The following STK38L variants were observed in gnomAD, a reference collection of about 807,000 sequenced individuals.
The protein encoded by STK38L is serine/threonine kinase 38 like.
A neutral mutation model predicts 59.7 loss-of-function variants in STK38L; 28 were observed. The observed-to-expected ratio is 0.47, with a 90% CI of 0.35 to 0.64. The LOEUF (loss-of-function observed/expected upper bound fraction) is 0.64. STK38L is among the 30% of genes least tolerant of loss of function. The probability of loss-of-function intolerance (pLI) is 0.01; values close to 1 mark genes in which losing one functional copy is unlikely to be tolerated. For synonymous variants in STK38L, 162 were observed against 176.8 expected (o/e 0.92, Z 0.66); for missense variants, 314 against 555.8 (o/e 0.56, Z 4.37).
chr12:27,320,553 A>G (rs1221444050), intron 12 of STK38L, among the ~76,000 whole-genome samples: 1 of 148,928 alleles, frequency 6.7e-6, no homozygotes, highest in Non-Finnish European at 1.5e-5. Flanking sequence ...CGGCCTCCCA[A>G]AGTGCTGGGA....
chr12:27,297,288 A>G (rs972559060), intron 1 of STK38L: 3 of 154,434 alleles, frequency 1.9e-5, no homozygotes, highest in Middle Eastern at 3.1e-3. Context: ...ACTTCTTACT[A>G]TTAAACTAAA....
At chr12:27,297,620 C>T (rs576863312) in intron 1 of STK38L, 90 bp from the exon 2 acceptor site, 1 of 1,375,810 alleles carries the variant, frequency 7.3e-7, no homozygotes. Flanking sequence ...TCGAATTTTT[C>T]TTAGTTGAAA....
At chr12:27,293,761 G>A (rs937398834) in intron 1 of STK38L, 1 of 152,204 alleles carries the variant, frequency 6.6e-6, no homozygotes, top group Non-Finnish European at 1.5e-5. Context: ...TGAGTCATGT[G>A]TTATTTCTTT....
chr12:27,255,842 C>CA, intron 1 of STK38L, among the ~76,000 whole-genome samples: 1 of 152,246 alleles, frequency 6.6e-6, no homozygotes, highest in South Asian at 2.1e-4. Context: ...CTTAAGACCC[C>CA]ATTGTCCATC....
intron 1 of STK38L, among the ~76,000 whole-genome samples, chr12:27,287,693 T>C (rs1303488346): frequency 6.6e-6 from 1 of 152,176 alleles, no homozygotes; most frequent in Non-Finnish European, 1.5e-5. Context: ...TTAGTTTTCA[T>C]GTGTGTCCTT....
chr12:27,245,522 A>G (rs1000514962), intron 1 of STK38L: 1 of 152,072 alleles, frequency 6.6e-6, no homozygotes, highest in Non-Finnish European at 1.5e-5. Flanking sequence ...CAGATTCTTG[A>G]AAGTTCTTTG....
chr12:27,302,056 C>CCATT, intron 2 of STK38L, 81 bp from the exon 3 acceptor site: 1 of 1,134,810 alleles, frequency 8.8e-7, no homozygotes, highest in Non-Finnish European at 1.2e-6. Flanking sequence ...AAGTGGTTAA[C>CCATT]CTGAATAAAT....
At chr12:27,283,980 T>G (rs1943715124) in intron 1 of STK38L, among the ~76,000 whole-genome samples, 1 of 152,238 alleles carries the variant, frequency 6.6e-6, no homozygotes, top group African/African-American at 2.4e-5. Context: ...CTTCTGTAAT[T>G]GAAATCTTAA....
chr12:27,275,227 C>G (rs1943507949), intron 1 of STK38L, among the ~76,000 whole-genome samples: 1 of 152,026 alleles, frequency 6.6e-6, no homozygotes, highest in Admixed American at 6.6e-5. Flanking sequence ...CAATTCCTTG[C>G]TGTCTCACAC....
rs957032710 is a variant in STK38L, at chr12:27,325,932, G to C, written c.*3477G>C. On this transcript the variant is annotated 3_prime_UTR_variant, in exon 14 of 14. Transcript: ENST00000389032. Reference sequence around the variant, plus strand: ...GAGGACAAAATTTCATTGAAGGTAAGATAAGAATAAAAACTATGTTTACAA... The same window carrying C: ...GAGGACAAAATTTCATTGAAGGTAACATAAGAATAAAAACTATGTTTACAA... 5 of 152,124 alleles carry C rather than the reference G, an allele frequency of 3.3e-5. No homozygotes were observed. The highest frequency in any genetic ancestry group is 3.2e-3 in the Middle Eastern group (1 of 316). The allele number at this position is 152,124 out of a possible 1,614,324, so 9.4% of individuals were successfully genotyped here.
chr12:27,252,084 A>G (rs1432281593), intron 1 of STK38L, among the ~76,000 whole-genome samples: 1 of 152,068 alleles, frequency 6.6e-6, no homozygotes, highest in Non-Finnish European at 1.5e-5. Context: ...GGTTCACGCC[A>G]TTCTCCTGCC....
chr12:27,308,103 T>C lies in STK38L; in HGVS notation c.187-236T>C, dbSNP rs1032330286. Among the ~76,000 whole-genome samples the C allele has an allele frequency of 1.6e-4, 24 of 151,528 alleles. No individual in the cohort carries two copies. Among genetic ancestry groups the C allele is most frequent in the Non-Finnish European group, 2.9e-5 (2 of 67,920 alleles). ...TGAAAGAATAAGTTATACATATATA[T>C]ATATATAGACAAATATGATGGACTG... On this transcript the variant is annotated intron_variant, in intron 3 of 13. Coordinates refer to ENST00000389032, the MANE Select transcript of STK38L (RefSeq NM_015000.4). This position sits in a 1 kb window ranked among gnomAD's most constrained non-coding sequence, Gnocchi z 4.5.
intron 1 of STK38L, among the ~76,000 whole-genome samples, chr12:27,260,562 C>T (rs564122707): frequency 2.2e-4 from 33 of 152,272 alleles, no homozygotes; most frequent in African/African-American, 4.1e-4. Flanking sequence ...CTCTCTGTGC[C>T]GTACTGAACT....
At chr12:27,295,744 G>C (rs1286007412) in intron 1 of STK38L, among the ~76,000 whole-genome samples, 3 of 152,200 alleles carry the variant, frequency 2.0e-5, no homozygotes, top group Non-Finnish European at 4.4e-5. Context: ...ACAAATGTTA[G>C]AGAACATGCA....
chr12:27,310,029 G>C (rs190645704), intron 5 of STK38L, among the ~76,000 whole-genome samples: 12 of 152,322 alleles, frequency 7.9e-5, no homozygotes, highest in African/African-American at 2.9e-4. Flanking sequence ...TCATTTTCAG[G>C]TGCGGGAAAG....
intron 1 of STK38L, among the ~76,000 whole-genome samples, chr12:27,295,127 C>T (rs1449681829): frequency 6.6e-6 from 1 of 152,192 alleles, no homozygotes; most frequent in East Asian, 1.9e-4. Context: ...ATAAAAATCA[C>T]TTGGCCATGA....
At chr12:27,322,003 A>T in intron 12 of STK38L, 140 bp from the exon 13 acceptor site, 1 of 655,512 alleles carries the variant, frequency 1.5e-6, no homozygotes, top group Non-Finnish European at 2.5e-6. Flanking sequence ...AACTCCCTTT[A>T]ACTAATCTCA....
At chr12:27,264,022 G>C (rs1198251373) in intron 1 of STK38L, among the ~76,000 whole-genome samples, 4 of 152,230 alleles carry the variant, frequency 2.6e-5, no homozygotes, top group Non-Finnish European at 2.9e-5. Flanking sequence ...AGGGTTAGTG[G>C]TGAGGTTGAT....
intron 10 of STK38L, 121 bp downstream of exon 10, chr12:27,317,574 T>C: frequency 3.6e-6 from 3 of 844,938 alleles, no homozygotes; most frequent in Non-Finnish European, 5.5e-6. Context: ...ATTCTGATGT[T>C]CCCCCAATGT....
Sources: allele counts gnomAD v4.1 joint callset (sites outside exome capture counted in the v4.1 genomes callset), GRCh38; gene constraint gnomAD v4.1.1; non-coding constraint Gnocchi (gnomAD v3.1); transcripts MANE v1.5; gene names NCBI Gene and HGNC (gene_info 2026-07-23, HGNC 2026-07-21).